Variants in CCDC178 observed in about 807,000 individuals in gnomAD.
CCDC178 encodes the protein coiled-coil domain containing 178.
CCDC178 carries 126 observed loss-of-function variants against 117.4 expected under a neutral mutation model. The observed-to-expected ratio is 1.07, with a 90% confidence interval of 0.93 to 1.24. The LOEUF is 1.24. Ranked by LOEUF, CCDC178 falls within the 50% of genes most tolerant of loss-of-function variation. The pLI is 0.00. For synonymous variants in CCDC178, 283 were observed against 313.4 expected (o/e 0.90, Z 1.02); for missense variants, 1,030 against 986.9 (o/e 1.04, Z -0.59).
intron 20 of CCDC178, among the ~76,000 whole-genome samples, chr18:33,099,537 C>A (rs1408060060): frequency 6.6e-6 from 1 of 151,974 alleles, no homozygotes; most frequent in African/African-American, 2.4e-5. Flanking sequence ...AAGCATCCCC[C>A]ACTTTTATTC....
At chr18:33,041,867 A>G (rs2056556330) in intron 21 of CCDC178, among the ~76,000 whole-genome samples, 2 of 151,998 alleles carry the variant, frequency 1.3e-5, no homozygotes, top group South Asian at 4.1e-4. Flanking sequence ...AATGAAGAAA[A>G]AAGGCTATAA....
intron 20 of CCDC178, among the ~76,000 whole-genome samples, chr18:33,156,162 C>T (rs1363508539): frequency 2.1e-5 from 3 of 142,368 alleles, no homozygotes; most frequent in Non-Finnish European, 4.5e-5. Context: ...GATCTTGGCT[C>T]ACTGCAACCT....
chr18:33,298,837 A>C (rs1419218406), intron 11 of CCDC178, among the ~76,000 whole-genome samples: 2 of 152,174 alleles, frequency 1.3e-5, no homozygotes, highest in Non-Finnish European at 2.9e-5. Flanking sequence ...CTATATACTA[A>C]TAAAGATATA....
rs187566449 is a variant in CCDC178, at chr18:33,110,585, G to C, written c.2239-17675C>G. Among the ~76,000 whole-genome samples the C allele has an allele frequency of 2.7e-3, 417 of 151,650 alleles. 1 individual carries two copies. The highest frequency in any genetic ancestry group is 4.7e-3 in the Non-Finnish European group (315 of 67,666). On this transcript the variant is annotated intron_variant, in intron 20 of 22. Coordinates refer to ENST00000383096, the MANE Select transcript of CCDC178 (RefSeq NM_001105528.4). ...TTTTATGTACATTGTGAAATAGAAA[G>C]TCAAGGTATCTTTTTTAAAAAAATA...
intron 20 of CCDC178, among the ~76,000 whole-genome samples, chr18:33,122,219 T>C (rs1191471618): frequency 2.0e-5 from 3 of 152,142 alleles, no homozygotes; most frequent in African/African-American, 7.2e-5. Context: ...CTTGCATTAT[T>C]TGTGGTAATC....
chr18:33,209,978 C>A (rs1043789950), intron 20 of CCDC178, among the ~76,000 whole-genome samples: 1 of 151,910 alleles, frequency 6.6e-6, no homozygotes, highest in African/African-American at 2.4e-5. Flanking sequence ...TCAGCTTCTG[C>A]ACCCAGGATG....
At chr18:33,269,202 C>CA (rs1344563167) in intron 12 of CCDC178, among the ~76,000 whole-genome samples, 5 of 151,586 alleles carry the variant, frequency 3.3e-5, no homozygotes, top group Non-Finnish European at 3.0e-5. Flanking sequence ...CATGGTTGTC[C>CA]AAAAAAATTA....
chr18:32,954,174 T>C (rs1015478843), intron 22 of CCDC178: 2 of 152,202 alleles, frequency 1.3e-5, no homozygotes, highest in Non-Finnish European at 2.9e-5. Flanking sequence ...TTTTCATTAA[T>C]TAACTCAATA....
chr18:33,165,007 T>A (rs2058512191), intron 20 of CCDC178, among the ~76,000 whole-genome samples: 1 of 152,228 alleles, frequency 6.6e-6, no homozygotes, highest in Non-Finnish European at 1.5e-5. Flanking sequence ...ATGCATTATG[T>A]CATTTAAAAA....
At chr18:33,154,286 A>T (rs529593673) in intron 20 of CCDC178, among the ~76,000 whole-genome samples, 1 of 152,302 alleles carries the variant, frequency 6.6e-6, no homozygotes, top group African/African-American at 2.4e-5. Context: ...CAGAACAAAA[A>T]TCAACGGACT....
At chr18:32,980,109 G>C (rs2144711239) in intron 21 of CCDC178, among the ~76,000 whole-genome samples, 1 of 152,172 alleles carries the variant, frequency 6.6e-6, no homozygotes, top group East Asian at 1.9e-4. Context: ...CAACTTTATG[G>C]CTTTGAGGAA....
chr18:33,212,044 A>G lies in CCDC178; in HGVS notation c.2090T>C (p.Ile697Thr). Residue 697 changes from isoleucine to threonine, a missense_variant, in exon 20 of 23, where the codon ATA (isoleucine) becomes ACA (threonine). Ile to Thr is a moderately conservative substitution (Grantham distance 89). Coordinates refer to ENST00000383096, the MANE Select transcript of CCDC178 (RefSeq NM_001105528.4). Reference protein sequence around the residue: ...QTLEILKNKFITMRFKREHAQ... With the variant: ...QTLEILKNKFTTMRFKREHAQ... ...ATGTTCCCTTTTAAATCTCATAGTT[A>G]TAAATTTGTTCCTGTGAAGAAAGAA... 3 of 1,576,318 alleles carry G rather than the reference A, an allele frequency of 1.9e-6. No homozygotes were observed. Among genetic ancestry groups the G allele is most frequent in the Non-Finnish European group, 2.6e-6 (3 of 1,166,508 alleles).
chr18:33,020,560 T>C (rs919651246), intron 21 of CCDC178, among the ~76,000 whole-genome samples: 4 of 152,210 alleles, frequency 2.6e-5, no homozygotes, highest in Admixed American at 2.0e-4. Context: ...TTTTAAAGTA[T>C]AAAGTAGTTG....
At chr18:33,009,188 T>C (rs1193952856) in intron 21 of CCDC178, among the ~76,000 whole-genome samples, 1 of 152,080 alleles carries the variant, frequency 6.6e-6, no homozygotes, top group Non-Finnish European at 1.5e-5. Flanking sequence ...CATCAAAATC[T>C]CTTATCTGGA....
chr18:33,329,773 C>T (rs1200951850), intron 10 of CCDC178, among the ~76,000 whole-genome samples: 1 of 151,872 alleles, frequency 6.6e-6, no homozygotes, highest in Admixed American at 6.6e-5. Flanking sequence ...ATATATTTAT[C>T]AGGCTTTAGT....
At chr18:33,227,013 T>C (rs1215506512) in intron 15 of CCDC178, among the ~76,000 whole-genome samples, 158 bp from the exon 16 acceptor site, 1 of 149,428 alleles carries the variant, frequency 6.7e-6, no homozygotes, top group Non-Finnish European at 1.5e-5. Flanking sequence ...TCCTGGTGTT[T>C]TTCGAGGTAA....
At chr18:33,156,443 GA>G (rs562156851) in intron 20 of CCDC178, among the ~76,000 whole-genome samples, 42 of 144,232 alleles carry the variant, frequency 2.9e-4, no homozygotes, top group Middle Eastern at 7.0e-3. Flanking sequence ...ACCCATAAAG[GA>G]AAAAAAAAAC....
chr18:33,023,960 T>C (rs1453198808), intron 21 of CCDC178, among the ~76,000 whole-genome samples: 2 of 152,106 alleles, frequency 1.3e-5, no homozygotes, highest in African/African-American at 2.4e-5. Context: ...AGAAATACTA[T>C]AAACAATTCT....
chr18:32,944,290 G>A (rs965384491), intron 22 of CCDC178, among the ~76,000 whole-genome samples: 4 of 152,070 alleles, frequency 2.6e-5, no homozygotes, highest in African/African-American at 4.8e-5. Context: ...AGATGAGACC[G>A]GAGATGGAAA....
Sources: allele counts gnomAD v4.1 joint callset (sites outside exome capture counted in the v4.1 genomes callset), GRCh38; gene constraint gnomAD v4.1.1; transcripts MANE v1.5; gene names NCBI Gene and HGNC (gene_info 2026-07-23, HGNC 2026-07-21).